The following ST8SIA6 variants were observed in gnomAD, a reference collection of about 807,000 sequenced individuals.
ST8SIA6 encodes the protein ST8 alpha-N-acetyl-neuraminide alpha-2,8-sialyltransferase 6, also known as alpha-2,8-sialyltransferase 8F.
ST8SIA6 carries 39 observed loss-of-function variants against 33.6 expected under a neutral mutation model. The observed-to-expected ratio is 1.16, with a 90% CI of 0.90 to 1.52. The LOEUF is 1.52. Ranked by LOEUF, ST8SIA6 falls within the 40% of genes most tolerant of loss-of-function variation. The pLI is 0.00. For missense variants in ST8SIA6, 441 were observed against 443.8 expected, an observed-to-expected ratio of 0.99 and a Z score of 0.06; for synonymous variants, 172 against 167.2, an observed-to-expected ratio of 1.03 and a Z score of -0.22.
At chr10:17,349,602 A>G (rs1210778840) in intron 4 of ST8SIA6, among the ~76,000 whole-genome samples, 1 of 152,260 alleles carries the variant, frequency 6.6e-6, no homozygotes, top group East Asian at 1.9e-4. Flanking sequence ...AGACGTTGCC[A>G]TAAATAACCA....
intron 2 of ST8SIA6, among the ~76,000 whole-genome samples, chr10:17,406,306 A>G (rs992932868): frequency 6.6e-6 from 1 of 152,204 alleles, no homozygotes; most frequent in Non-Finnish European, 1.5e-5. Flanking sequence ...CAACAAAGCC[A>G]GGAGATTCTG....
intron 6 of ST8SIA6, among the ~76,000 whole-genome samples, chr10:17,324,993 ATAT>A (rs1413357885): frequency 2.8e-5 from 4 of 144,204 alleles, no homozygotes; most frequent in South Asian, 2.1e-4. Flanking sequence ...ATATGTATAC[ATAT>A]TATAAATATA....
intron 2 of ST8SIA6, among the ~76,000 whole-genome samples, chr10:17,415,739 A>G (rs936210218): frequency 6.6e-6 from 1 of 151,678 alleles, no homozygotes; most frequent in African/African-American, 2.4e-5. Context: ...CTCTCACCCA[A>G]CATGGCTCAT....
intron 4 of ST8SIA6, among the ~76,000 whole-genome samples, chr10:17,335,654 A>G (rs1193140875): frequency 6.6e-6 from 1 of 152,212 alleles, no homozygotes; most frequent in African/African-American, 2.4e-5. Flanking sequence ...AGATTAACAA[A>G]AGAGAAAAAA....
chr10:17,355,590 C>T (rs1849165976), intron 4 of ST8SIA6, among the ~76,000 whole-genome samples: 1 of 152,194 alleles, frequency 6.6e-6, no homozygotes. Context: ...TTGTCTACAA[C>T]CAGCCCCTAC....
intron 2 of ST8SIA6, among the ~76,000 whole-genome samples, chr10:17,395,716 C>T (rs1850781910): frequency 6.6e-6 from 1 of 152,056 alleles, no homozygotes; most frequent in Non-Finnish European, 1.5e-5. Flanking sequence ...AACCCCATCT[C>T]TACTTAAAAT....
chr10:17,377,376 GTCTCTTCA>G (rs1849954192), intron 3 of ST8SIA6, among the ~76,000 whole-genome samples: 1 of 152,170 alleles, frequency 6.6e-6, no homozygotes, highest in South Asian at 2.1e-4. Context: ...CTGTTTGGTG[GTCTCTTCA>G]CATGGACACG....
At chr10:17,321,716 T>A (rs919303378) in intron 7 of ST8SIA6, among the ~76,000 whole-genome samples, 1 of 152,254 alleles carries the variant, frequency 6.6e-6, no homozygotes, top group Non-Finnish European at 1.5e-5. Flanking sequence ...AAGCATAGTA[T>A]GCATATCAAT....
intron 4 of ST8SIA6, among the ~76,000 whole-genome samples, chr10:17,340,141 T>C (rs1467676433): frequency 3.9e-5 from 6 of 152,242 alleles, no homozygotes; most frequent in Admixed American, 2.6e-4. Flanking sequence ...TATGTCGATA[T>C]GTTCAGTTCT....
chr10:17,417,770 C>T (rs1851650231), intron 2 of ST8SIA6, among the ~76,000 whole-genome samples: 1 of 152,202 alleles, frequency 6.6e-6, no homozygotes, highest in Non-Finnish European at 1.5e-5. Flanking sequence ...AGAATTGTCT[C>T]AGCTAGACCA....
chr10:17,424,688 C>T (rs1851879620), intron 2 of ST8SIA6, among the ~76,000 whole-genome samples: 1 of 151,980 alleles, frequency 6.6e-6, no homozygotes, highest in South Asian at 2.1e-4. Context: ...CTGTGCCCAT[C>T]AACCACTAAT....
chr10:17,387,312 C>T (rs1850408737), intron 3 of ST8SIA6, among the ~76,000 whole-genome samples: 3 of 151,222 alleles, frequency 2.0e-5, no homozygotes, highest in African/African-American at 7.3e-5. Flanking sequence ...AGTGCAGTGG[C>T]GTGATCTTGG....
intron 3 of ST8SIA6, among the ~76,000 whole-genome samples, chr10:17,367,912 C>T (rs529829462): frequency 2.6e-4 from 39 of 152,254 alleles, no homozygotes; most frequent in Non-Finnish European, 4.3e-4. Flanking sequence ...TTTAATTGTC[C>T]GAACACACAT....
chr10:17,446,704 G>C (rs17446301), intron 2 of ST8SIA6, among the ~76,000 whole-genome samples: 2,057 of 152,126 alleles, frequency 0.014, 25 homozygotes, highest in Non-Finnish European at 0.022. Context: ...AGAACTATGC[G>C]AGACAGAAAA....
At chr10:17,357,208 C>T (rs1375804204) in intron 4 of ST8SIA6, among the ~76,000 whole-genome samples, 1 of 151,972 alleles carries the variant, frequency 6.6e-6, no homozygotes. Context: ...AATCTGCAAC[C>T]TCTGCCTCCT....
At chr10:17,391,563 C>T (rs754203869) in intron 2 of ST8SIA6, among the ~76,000 whole-genome samples, 5 of 152,122 alleles carry the variant, frequency 3.3e-5, no homozygotes, top group South Asian at 2.1e-4. Flanking sequence ...CTCCCAGTCG[C>T]GTTTATTTTT....
At chr10:17,374,768 T>TATATATATATATACACATA (rs1554792825) in intron 3 of ST8SIA6, among the ~76,000 whole-genome samples, 2 of 147,236 alleles carry the variant, frequency 1.4e-5, no homozygotes, top group Non-Finnish European at 3.0e-5. Flanking sequence ...TATATATATA[T>TATATATATATATACACATA]TTAGCTCAAC....
At chr10:17,429,046 G>A (rs1039624676) in intron 2 of ST8SIA6, among the ~76,000 whole-genome samples, 4 of 151,892 alleles carry the variant, frequency 2.6e-5, no homozygotes, top group South Asian at 2.1e-4. Context: ...TACAGTAAGC[G>A]GGATCTGGGG....
chr10:17,444,737 G>C (rs112331046), intron 2 of ST8SIA6, among the ~76,000 whole-genome samples: 86 of 152,306 alleles, frequency 5.6e-4, no homozygotes, highest in African/African-American at 1.9e-3. Context: ...AACCTGGGAA[G>C]CAAATGTGAA....
Sources: allele counts gnomAD v4.1 joint callset (sites outside exome capture counted in the v4.1 genomes callset), GRCh38; gene constraint gnomAD v4.1.1; transcripts MANE v1.5; gene names NCBI Gene and HGNC (gene_info 2026-07-23, HGNC 2026-07-21).